The following METTL2A variants were observed in gnomAD, a reference collection of about 807,000 sequenced individuals.
METTL2A encodes the protein methyltransferase 2A, tRNA N3-cytidine, also known as tRNA N(3)-cytidine methyltransferase METTL2A.
In METTL2A, 45 loss-of-function variants were observed where a neutral mutation model predicts 49.4. The observed-to-expected ratio is 0.91, with a 90% CI of 0.72 to 1.17. The LOEUF (loss-of-function observed/expected upper bound fraction) is 1.17. Among genes scored for constraint, METTL2A ranks in the 50% most tolerant of loss-of-function variants. METTL2A has a pLI of 0.00. For missense variants in METTL2A, 361 were observed against 462.2 expected, an observed-to-expected ratio of 0.78 and a Z score of 2.01; for synonymous variants, 118 against 167.5, an observed-to-expected ratio of 0.70 and a Z score of 2.28.
intron 4 of METTL2A, among the ~76,000 whole-genome samples, chr17:62,431,574 T>C: frequency 6.6e-6 from 1 of 152,066 alleles, no homozygotes; most frequent in Admixed American, 6.6e-5. Flanking sequence ...GCCAGGGTTC[T>C]TAATATTTTT....
Position 62,424,276 on chromosome 17 carries a change from G to A in METTL2A, c.168G>A (p.Glu56=). 1 of 1,614,028 alleles carries A rather than the reference G, an allele frequency of 6.2e-7. No individual in the cohort carries two copies. Among genetic ancestry groups the A allele is most frequent in the Non-Finnish European group, 8.5e-7 (1 of 1,179,924 alleles). ...CGGCGGCGGAGAGAAAAGTCCAGGAGAACAGTATCCAGCGGGTGTGCCAGG... is the reference window on the plus strand; with the variant it reads ...CGGCGGCGGAGAGAAAAGTCCAGGAAAACAGTATCCAGCGGGTGTGCCAGG... ...QAAAAERKVQ[E]NSIQRVCQEK... The change falls in exon 2 of 9, where the codon GAG becomes GAA. Residue 56 remains glutamate, a synonymous_variant. Transcript: ENST00000311506.
Position 62,448,568 on chromosome 17 carries a change from A to C in METTL2A, c.983-7A>C. On this transcript the variant is annotated splice_region_variant and splice_polypyrimidine_tract_variant and intron_variant, in intron 8 of 8. Coordinates refer to ENST00000311506, the MANE Select transcript of METTL2A (RefSeq NM_181725.4). Reference sequence around the variant, plus strand: ...AATGCATAAACATCTTTTATTTTCCACACTAGAGGAACTGGACACGCTTTT... The same window carrying C: ...AATGCATAAACATCTTTTATTTTCCCCACTAGAGGAACTGGACACGCTTTT... The C allele has an allele frequency of 3.7e-6, 6 of 1,612,708 alleles. No homozygotes were observed. Among genetic ancestry groups the C allele is most frequent in the Non-Finnish European group, 5.1e-6 (6 of 1,179,372 alleles).
chr17:62,432,801 C>CAA (rs530858790), intron 4 of METTL2A, among the ~76,000 whole-genome samples: 2,146 of 138,006 alleles, frequency 0.016, 62 homozygotes, highest in African/African-American at 0.053. Context: ...GACTCCGTCT[C>CAA]AAAAAAAAAA....
At chr17:62,428,493 C>A (rs141729870) in intron 4 of METTL2A, among the ~76,000 whole-genome samples, 1 of 152,178 alleles carries the variant, frequency 6.6e-6, no homozygotes, top group African/African-American at 2.4e-5. Context: ...GACTGCCCCC[C>A]ACTTCAGATG....
chr17:62,434,095 G>C (rs773471892), intron 4 of METTL2A, among the ~76,000 whole-genome samples: 2 of 152,176 alleles, frequency 1.3e-5, no homozygotes, highest in Non-Finnish European at 2.9e-5. Context: ...TGGCTGATTA[G>C]AGAACAGGAC....
intron 1 of METTL2A, 78 bp from the exon 2 acceptor site, chr17:62,424,137 GGAGA>G: frequency 1.2e-6 from 2 of 1,601,476 alleles, no homozygotes; most frequent in Non-Finnish European, 1.7e-6. Context: ...CTCTCCAAGG[GGAGA>G]GAAACTCCTA....
intron 2 of METTL2A, 61 bp downstream of exon 2, chr17:62,424,371 C>T (rs923405407): frequency 5.6e-6 from 9 of 1,606,040 alleles, no homozygotes; most frequent in East Asian, 2.2e-5. Flanking sequence ...CGCGCCCTCC[C>T]GGAGAGGCCA....
intron 5 of METTL2A, among the ~76,000 whole-genome samples, chr17:62,436,609 C>G (rs933695965): frequency 3.9e-5 from 6 of 152,128 alleles, no homozygotes; most frequent in African/African-American, 1.4e-4. Flanking sequence ...TAATAATCAT[C>G]TAAACCTTCA....
rs2144160771 is a variant in METTL2A at position 62,448,615 on chromosome 17, A to C, written c.1023A>C (p.Lys341Asn). Residue 341 changes from lysine to asparagine, a missense_variant, in exon 9 of 9, where the codon AAA becomes AAC. Around this residue, in one of 3 missense-constraint regions of METTL2A, gnomAD observed 183 missense variants for 216.5 expected, o/e 0.85. Transcript: ENST00000311506. ...DTLFTTAGLE[K>N]VQNLVDRRLQ... is the part of the protein sequence containing the mutation. ...TTTTCACCACTGCTGGACTGGAAAAAGTTCAGAACCTGGTGGATCGCCGAC... is the reference window on the plus strand; with the variant it reads ...TTTTCACCACTGCTGGACTGGAAAACGTTCAGAACCTGGTGGATCGCCGAC... 1 of 1,614,208 alleles carries C rather than the reference A, an allele frequency of 6.2e-7. No individual in the cohort carries two copies. Among genetic ancestry groups the C allele is most frequent in the Non-Finnish European group, 8.5e-7 (1 of 1,180,034 alleles).
chr17:62,446,460 G>A (rs2070769642), intron 7 of METTL2A, among the ~76,000 whole-genome samples: 1 of 152,104 alleles, frequency 6.6e-6, no homozygotes, highest in African/African-American at 2.4e-5. Context: ...ACAGGCATGT[G>A]CCACCACGCC....
At chr17:62,435,334 T>C (rs2070693876) in intron 5 of METTL2A, 42 bp downstream of exon 5, 1 of 1,613,160 alleles carries the variant, frequency 6.2e-7, no homozygotes, top group East Asian at 2.2e-5. Flanking sequence ...TTTCCACTGA[T>C]TAAAGGGAAA....
intron 5 of METTL2A, 147 bp downstream of exon 5, chr17:62,435,439 C>T: frequency 8.4e-7 from 1 of 1,189,414 alleles, no homozygotes. Context: ...ACGAGCATAC[C>T]TTGTTTTATT....
chr17:62,450,652 C>T lies in METTL2A; in HGVS notation c.*1923C>T, dbSNP rs1413785643. On this transcript the variant is annotated 3_prime_UTR_variant, in exon 9 of 9. Coordinates refer to ENST00000311506, the MANE Select transcript of METTL2A (RefSeq NM_181725.4). ...CCAGCCTGGCTAACATAGTGAAACC[C>T]CGTCTCCACTAAAAAATAAAAAATC... 3 of 151,946 alleles carry T rather than the reference C, an allele frequency of 2.0e-5. No homozygotes were observed. The highest frequency in any genetic ancestry group is 4.4e-5 in the Non-Finnish European group (3 of 68,026). 9.4% of individuals were successfully genotyped at this position (151,946 alleles called of 1,614,324 possible).
rs1192831676 is a variant in METTL2A, at chr17:62,452,619, T to C, written c.*3890T>C. ...GACCCATGGGTATTTGAGTTTCTTGTGGGGTTATTTGTTGTTGTTTTTGAG... is the reference window on the plus strand; with the variant it reads ...GACCCATGGGTATTTGAGTTTCTTGCGGGGTTATTTGTTGTTGTTTTTGAG... On this transcript the variant is annotated 3_prime_UTR_variant, in exon 9 of 9. Coordinates refer to ENST00000311506, the MANE Select transcript of METTL2A (RefSeq NM_181725.4). 1.3e-5 allele frequency among the ~76,000 whole-genome samples: 2 copies of C among 152,070 alleles called. No individual in the cohort carries two copies. The highest frequency in any genetic ancestry group is 4.8e-5 in the African/African-American group (2 of 41,404).
Position 62,435,187 on chromosome 17 carries a change from G to A in METTL2A, c.609-45G>A, listed in dbSNP as rs758500841. On this transcript the variant is annotated intron_variant, in intron 4 of 8. Coordinates refer to ENST00000311506, the MANE Select transcript of METTL2A (RefSeq NM_181725.4). ...CTACACAAGAATGAGAGTAGACATA[G>A]CTCGATTTGTAGTCTCATTGTTCTG... 13 of 1,613,714 alleles carry A rather than the reference G, an allele frequency of 8.1e-6. No individual in the cohort carries two copies. The East Asian group carries it at 2.5e-4, about 30-fold the overall frequency.
In METTL2A at chr17:62,453,338, A is replaced by G. The variant is rs2070815009; in HGVS notation, c.*4609A>G. On this transcript the variant is annotated 3_prime_UTR_variant, in exon 9 of 9. Coordinates refer to ENST00000311506, the MANE Select transcript of METTL2A (RefSeq NM_181725.4). The stretch of plus-strand genomic sequence containing the variant: ...TGTTACATTTGTTGGGAGGGATTAA[A>G]GTATATGACCTCAGTGCCACTTAAA... Among the ~76,000 whole-genome samples the G allele has an allele frequency of 6.6e-6, 1 of 152,160 alleles. No individual in the cohort carries two copies. Among genetic ancestry groups the G allele is most frequent in the South Asian group, 2.1e-4 (1 of 4,834 alleles).
At chr17:62,446,873 G>A (rs574498279) in intron 7 of METTL2A, among the ~76,000 whole-genome samples, 1 of 152,282 alleles carries the variant, frequency 6.6e-6, no homozygotes, top group South Asian at 2.1e-4. Context: ...AGTATCTGCA[G>A]GGAAATAAGT....
chr17:62,424,640 A>G (rs997725062), intron 2 of METTL2A, among the ~76,000 whole-genome samples: 5 of 151,988 alleles, frequency 3.3e-5, no homozygotes, highest in African/African-American at 1.2e-4. Context: ...TGTACTTTTT[A>G]CTTGATTTGC....
rs1025031664 is a variant in METTL2A at position 62,451,128 on chromosome 17, GTAGC to G, written c.*2400_*2403del. 6.9e-6 allele frequency among the ~76,000 whole-genome samples: 1 copy of G among 145,858 alleles called. No individual in the cohort carries two copies. Among genetic ancestry groups the G allele is most frequent in the African/African-American group, 2.5e-5 (1 of 40,034 alleles). On this transcript the variant is annotated 3_prime_UTR_variant, in exon 9 of 9. Transcript: ENST00000311506. ...GGAGTTCAAGACCAGGCTGGGTAAT[GTAGC>G]AAGACCCTGACTTTTTTTTTTTTTT...
Sources: allele counts gnomAD v4.1 joint callset (sites outside exome capture counted in the v4.1 genomes callset), GRCh38; gene constraint gnomAD v4.1.1; regional missense constraint gnomAD v4.1.1; transcripts MANE v1.5; gene names NCBI Gene and HGNC (gene_info 2026-07-23, HGNC 2026-07-21).